Variants in AHI1 observed in about 807,000 individuals in gnomAD.
The protein encoded by AHI1 is jouberin.
Under a neutral mutation model 149.3 loss-of-function variants are expected in AHI1, and 123 were observed. The ratio of observed to expected loss-of-function variants is 0.82; its 90% CI spans 0.71 to 0.96. The LOEUF (loss-of-function observed/expected upper bound fraction) is 0.96, where lower values mean the gene tolerates loss of function less well. Ranked by LOEUF, AHI1 falls within the 40% of genes least tolerant of loss-of-function variation. AHI1 has a pLI of 0.00. For missense variants in AHI1, 1,439 were observed against 1,422.7 expected, an observed-to-expected ratio of 1.01 and a Z score of -0.18; for synonymous variants, 475 against 459.8, an observed-to-expected ratio of 1.03 and a Z score of -0.42.
intron 23 of AHI1, among the ~76,000 whole-genome samples, chr6:135,362,140 A>G (rs1487070840): frequency 6.6e-6 from 1 of 151,522 alleles, no homozygotes; most frequent in Non-Finnish European, 1.5e-5. Flanking sequence ...GTATATATAT[A>G]TATGTATAAA....
intron 23 of AHI1, among the ~76,000 whole-genome samples, chr6:135,384,159 A>C (rs1340284256): frequency 6.6e-6 from 1 of 152,246 alleles, no homozygotes; most frequent in Non-Finnish European, 1.5e-5. Context: ...TACCACAGAA[A>C]TATAGATTTT....
intron 27 of AHI1, chr6:135,297,353 G>T: frequency 2.2e-6 from 1 of 449,244 alleles, no homozygotes; most frequent in South Asian, 1.6e-5. Context: ...CTTCATAGCC[G>T]TATGCTCCTT....
chr6:135,387,815 T>C, intron 23 of AHI1: 2 of 1,367,960 alleles, frequency 1.5e-6, no homozygotes, highest in Non-Finnish European at 1.9e-6. Context: ...CCCAATATTT[T>C]ATGAGTTTCA....
rs374432428 is a variant in AHI1, at chr6:135,455,930, T to C, written c.1152-4A>G. On this transcript the variant is annotated splice_polypyrimidine_tract_variant and splice_region_variant and intron_variant, in intron 9 of 28. Coordinates refer to ENST00000265602, the MANE Select transcript of AHI1 (RefSeq NM_001134831.2). ...GTAAGATGAAACAGGCCGTCCACTG[T>C]ACAAAAAAAGATACTTCCATTAACA... 4 of 1,406,652 alleles carry C rather than the reference T, an allele frequency of 2.8e-6. No individual in the cohort carries two copies. The highest frequency in any genetic ancestry group is 2.9e-5 in the African/African-American group (2 of 69,870). The allele number at this position is 1,406,652 out of a possible 1,614,324, so 87.1% of individuals were successfully genotyped here. A position where few individuals can be genotyped will look rare whatever the true frequency, so the allele number is the denominator to read the frequency against.
intron 11 of AHI1, among the ~76,000 whole-genome samples, chr6:135,449,847 T>A (rs1787828181): frequency 6.6e-6 from 1 of 152,210 alleles, no homozygotes; most frequent in East Asian, 1.9e-4. Context: ...TGAAAGTAAA[T>A]TTTTAATTAT....
intron 27 of AHI1, among the ~76,000 whole-genome samples, chr6:135,298,962 C>T (rs1444165523): frequency 6.6e-6 from 1 of 151,964 alleles, no homozygotes; most frequent in Non-Finnish European, 1.5e-5. Context: ...AGCACTGTTC[C>T]CATGATGTGT....
At position 135,492,256 on chromosome 6, in the gene AHI1, G is replaced by C; in HGVS notation, c.-19C>G. ...TAGGCATCTCTCAGCTTTATGCAGAGGACTGAGAATGCAAAGCATTGACTC... is the reference window on the plus strand; with the variant it reads ...TAGGCATCTCTCAGCTTTATGCAGACGACTGAGAATGCAAAGCATTGACTC... On this transcript the variant is annotated 5_prime_UTR_variant, in exon 4 of 29. Coordinates refer to ENST00000265602, the MANE Select transcript of AHI1 (RefSeq NM_001134831.2). 5.2e-6 allele frequency: 8 copies of C among 1,536,840 alleles called. No individual in the cohort carries two copies. The highest frequency in any genetic ancestry group is 7.0e-6 in the Non-Finnish European group (8 of 1,139,128).
chr6:135,446,110 A>C (rs955834136), intron 13 of AHI1, among the ~76,000 whole-genome samples: 1 of 151,796 alleles, frequency 6.6e-6, no homozygotes. Context: ...CTAAAAATCT[A>C]TGTTATCTGA....
chr6:135,474,538 G>C (rs1236507155), intron 5 of AHI1: 2 of 151,314 alleles, frequency 1.3e-5, no homozygotes, highest in Non-Finnish European at 2.9e-5. Flanking sequence ...GAGAGTATGA[G>C]TAGAACAAGG....
At chr6:135,414,677 C>CA (rs1782085578) in intron 20 of AHI1, among the ~76,000 whole-genome samples, 1 of 151,126 alleles carries the variant, frequency 6.6e-6, no homozygotes, top group Non-Finnish European at 1.5e-5. Context: ...AATAAGCATG[C>CA]AAAAAAAGGT....
At chr6:135,318,715 C>A in intron 25 of AHI1, 99 bp from the exon 26 acceptor site, 1 of 669,754 alleles carries the variant, frequency 1.5e-6, no homozygotes, top group South Asian at 3.0e-5. Context: ...TTAAAGAAAT[C>A]GATATTCAAT....
intron 5 of AHI1, among the ~76,000 whole-genome samples, chr6:135,482,225 T>TTCC (rs562248219): frequency 3.3e-5 from 5 of 152,186 alleles, no homozygotes; most frequent in Non-Finnish European, 5.9e-5. Flanking sequence ...TGGTGTTCTC[T>TTCC]TCCTCCTCCT....
At chr6:135,288,691 T>C (rs577260061) in intron 28 of AHI1, among the ~76,000 whole-genome samples, 8 of 152,052 alleles carry the variant, frequency 5.3e-5, no homozygotes, top group Non-Finnish European at 8.8e-5. Flanking sequence ...AAATATTTCA[T>C]ATTTTAATCA....
At chr6:135,451,659 T>C (rs988641350) in intron 11 of AHI1, among the ~76,000 whole-genome samples, 10 of 152,144 alleles carry the variant, frequency 6.6e-5, no homozygotes, top group Middle Eastern at 3.4e-3. Flanking sequence ...TGGCATAAGA[T>C]GAATAAATAA....
At position 135,323,298 on chromosome 6, in the gene AHI1, C is replaced by T. The variant is rs371494868; in HGVS notation, c.3192G>A (p.Ala1064=). Residue 1064 remains alanine, a synonymous_variant, in exon 25 of 29, where the codon GCG becomes GCA. Coordinates refer to ENST00000265602, the MANE Select transcript of AHI1 (RefSeq NM_001134831.2). The part of the protein sequence containing the change: ...PTVVALYDYT[A]NRSDELTIHR... ...GGATGGTTAGTTCATCTGATCGATTCGCTGTGTAGTCATAAAGAGCCACTA... is the reference window on the plus strand; with the variant it reads ...GGATGGTTAGTTCATCTGATCGATTTGCTGTGTAGTCATAAAGAGCCACTA... The T allele has an allele frequency of 3.8e-5, 61 of 1,613,396 alleles. 1 individual carries two copies. In the Middle Eastern group the frequency reaches 9.9e-4, roughly 26 times the overall value.
chr6:135,321,748 A>T (rs988314645), intron 25 of AHI1, among the ~76,000 whole-genome samples: 1 of 152,212 alleles, frequency 6.6e-6, no homozygotes, highest in Non-Finnish European at 1.5e-5. Context: ...GAAACAAAAG[A>T]CTTAAATATT....
rs998414213 is a variant in AHI1, at chr6:135,283,948, A to C, written c.*1697T>G. The C allele has an allele frequency of 1.3e-5, 2 of 152,248 alleles. No homozygotes were observed. Among genetic ancestry groups the C allele is most frequent in the African/African-American group, 4.8e-5 (2 of 41,468 alleles). The allele number at this position is 152,248 out of a possible 1,614,324, so 9.4% of individuals were successfully genotyped here. ...TGTTGAAATTCTTGGTGATTCAATC[A>C]GAAAATCAACACATATCTCAAAATT... On this transcript the variant is annotated 3_prime_UTR_variant, in exon 29 of 29. Transcript: ENST00000265602.
At chr6:135,444,646 T>A (rs1389854604) in intron 13 of AHI1, among the ~76,000 whole-genome samples, 1 of 152,256 alleles carries the variant, frequency 6.6e-6, no homozygotes, top group African/African-American at 2.4e-5. Context: ...AGTTTCGAGA[T>A]GCTTTACATT....
intron 21 of AHI1, among the ~76,000 whole-genome samples, chr6:135,410,419 AG>A (rs1320048375): frequency 6.6e-6 from 1 of 152,204 alleles, no homozygotes; most frequent in Non-Finnish European, 1.5e-5. Context: ...TTTATAGATG[AG>A]GAAAACTAGG....
Sources: gnomAD v4.1 joint callset for allele counts (sites outside exome capture counted in the v4.1 genomes callset) on GRCh38, gnomAD v4.1.1 for gene constraint, MANE v1.5 for transcripts, NCBI Gene and HGNC (gene_info 2026-07-23, HGNC 2026-07-21) for gene names.